COL22A1: variants seen among roughly 807,000 people sequenced by gnomAD.
COL22A1 encodes the protein collagen type XXII alpha 1 chain, also known as collagen alpha-1(XXII) chain.
In COL22A1, 221 loss-of-function variants were observed where a neutral mutation model predicts 248.9. The observed-to-expected ratio is 0.89, with a 90% CI of 0.80 to 0.99. The LOEUF is 0.99. Among genes scored for constraint, COL22A1 ranks in the 50% least tolerant of loss-of-function variants. The pLI, the probability that COL22A1 is intolerant of heterozygous loss-of-function variation, is 0.00. For missense variants in COL22A1, 2,240 were observed against 2,179.0 expected, an observed-to-expected ratio of 1.03 and a Z score of -0.56; for synonymous variants, 891 against 793.4, an observed-to-expected ratio of 1.12 and a Z score of -2.07.
chr8:138,823,003 C>T (rs1359043839), intron 6 of COL22A1, among the ~76,000 whole-genome samples: 1 of 152,210 alleles, frequency 6.6e-6, no homozygotes, highest in Non-Finnish European at 1.5e-5. Context: ...ACCCCAGTTA[C>T]TTTGCTACAG....
At chr8:138,692,969 G>A (rs532604604) in intron 35 of COL22A1, among the ~76,000 whole-genome samples, 130 of 152,282 alleles carry the variant, frequency 8.5e-4, no homozygotes, top group Middle Eastern at 3.4e-3. Flanking sequence ...GCTAGGAGCA[G>A]ACCAGACGTG....
intron 23 of COL22A1, among the ~76,000 whole-genome samples, chr8:138,729,746 C>T (rs557947862): frequency 2.0e-5 from 3 of 152,310 alleles, no homozygotes; most frequent in Middle Eastern, 3.4e-3. Flanking sequence ...CCAACCTACC[C>T]CAGACCCTGG....
chr8:138,740,604 T>C (rs989548743), intron 22 of COL22A1, among the ~76,000 whole-genome samples: 4 of 152,232 alleles, frequency 2.6e-5, no homozygotes, highest in Admixed American at 2.6e-4. Flanking sequence ...GTTGAATCAA[T>C]TGATCTGGAA....
At chr8:138,605,657 T>C (rs145615663) in intron 58 of COL22A1, among the ~76,000 whole-genome samples, 4 of 152,134 alleles carry the variant, frequency 2.6e-5, no homozygotes, top group African/African-American at 9.7e-5. Flanking sequence ...TACTCTGGTA[T>C]GTTACATGCA....
At chr8:138,597,687 C>T (rs1302015125) in intron 61 of COL22A1, among the ~76,000 whole-genome samples, 1 of 152,224 alleles carries the variant, frequency 6.6e-6, no homozygotes, top group East Asian at 1.9e-4. Flanking sequence ...TTACGGTGCT[C>T]ATCTCTGTAG....
intron 3 of COL22A1, among the ~76,000 whole-genome samples, chr8:138,872,574 C>A (rs148024706): frequency 2.0e-5 from 3 of 152,196 alleles, no homozygotes; most frequent in African/African-American, 4.8e-5. Flanking sequence ...TTTGTGGCCA[C>A]GACAAAGCCT....
At chr8:138,801,407 A>G (rs1040802709) in intron 11 of COL22A1, among the ~76,000 whole-genome samples, 1 of 152,162 alleles carries the variant, frequency 6.6e-6, no homozygotes, top group Non-Finnish European at 1.5e-5. Flanking sequence ...GGGGGCAACA[A>G]TGTGGGGTGC....
At chr8:138,760,557 C>T (rs1384195312) in intron 17 of COL22A1, among the ~76,000 whole-genome samples, 1 of 152,194 alleles carries the variant, frequency 6.6e-6, no homozygotes, top group East Asian at 1.9e-4. Flanking sequence ...CAAAGGACCC[C>T]TTCCTTAGGG....
At chr8:138,631,636 G>T (rs1820727572) in intron 49 of COL22A1, among the ~76,000 whole-genome samples, 1 of 152,118 alleles carries the variant, frequency 6.6e-6, no homozygotes, top group Non-Finnish European at 1.5e-5. Context: ...GCACACTTTT[G>T]CTGGGGACTC....
intron 35 of COL22A1, among the ~76,000 whole-genome samples, chr8:138,692,246 ACGTATGTGTG>A (rs1564201599): frequency 7.5e-3 from 59 of 7,880 alleles, no homozygotes; most frequent in East Asian, 0.016. Context: ...ATGTTTGTGG[ACGTATGTGTG>A]CGTGTGTGCA....
At chr8:138,650,908 G>A (rs900960927) in intron 45 of COL22A1, among the ~76,000 whole-genome samples, 1 of 152,142 alleles carries the variant, frequency 6.6e-6, no homozygotes, top group African/African-American at 2.4e-5. Flanking sequence ...TCAGTTCAAC[G>A]CTGTCAACTG....
intron 30 of COL22A1, among the ~76,000 whole-genome samples, chr8:138,715,000 G>A (rs956903996): frequency 7.9e-5 from 12 of 152,082 alleles, no homozygotes; most frequent in African/African-American, 2.7e-4. Flanking sequence ...AAGGGGCAGT[G>A]GTGTTCAGAG....
At position 138,602,167 on chromosome 8, in the gene COL22A1, G is replaced by A. The variant is rs1253067132; in HGVS notation, c.4141-8C>T. On this transcript the variant is annotated splice_polypyrimidine_tract_variant and splice_region_variant and intron_variant, in intron 59 of 64. Transcript: ENST00000303045. ...AGGCTTCCCAGGGACCCCCTGCAAG[G>A]AGAAAGAAAGGACAGTCATTGCCCC... 48 of 1,613,930 alleles carry A rather than the reference G, an allele frequency of 3.0e-5. No homozygotes were observed. The highest frequency in any genetic ancestry group is 4.0e-5 in the Non-Finnish European group (47 of 1,179,996).
At chr8:138,716,893 C>A (rs749283945) in intron 27 of COL22A1, 24 bp from the exon 28 acceptor site, 2 of 1,573,250 alleles carry the variant, frequency 1.3e-6, no homozygotes, top group Non-Finnish European at 1.8e-6. Context: ...AAAACATACC[C>A]CATTATTCTC....
chr8:138,604,693 G>A (rs372325721), intron 59 of COL22A1, 41 bp downstream of exon 59: 40 of 1,594,748 alleles, frequency 2.5e-5, no homozygotes, highest in Non-Finnish European at 3.3e-5. Context: ...CCCATTGGTG[G>A]TAAAGGGTTG....
chr8:138,807,696 T>C, intron 10 of COL22A1, 72 bp downstream of exon 10: 5 of 1,420,124 alleles, frequency 3.5e-6, no homozygotes, highest in Non-Finnish European at 4.9e-6. Flanking sequence ...ACACCATCTT[T>C]TGTCTTATAT....
intron 1 of COL22A1, among the ~76,000 whole-genome samples, chr8:138,913,092 A>G (rs1398887510): frequency 2.5e-4 from 38 of 152,146 alleles, no homozygotes; most frequent in Non-Finnish European, 2.9e-5. Flanking sequence ...AAAATGCTCA[A>G]ATAGAAATGA....
rs370936668 is a variant in COL22A1, at chr8:138,746,415, G to A, written c.2085+5043C>T. Among the ~76,000 whole-genome samples, 11 of 152,178 alleles carry A rather than the reference G, an allele frequency of 7.2e-5. No homozygotes were observed. The East Asian group carries it at 9.6e-4, about 13-fold the overall frequency. ...TTTTTTGAATAAGTCATTTTGTCTT[G>A]CATTTTCCTGACTCAGCTAGAGAGC... is the stretch of plus-strand genomic sequence containing the variant. On this transcript the variant is annotated intron_variant, in intron 22 of 64. Transcript: ENST00000303045.
At chr8:138,669,925 C>T (rs931556564) in intron 41 of COL22A1, among the ~76,000 whole-genome samples, 3 of 140,520 alleles carry the variant, frequency 2.1e-5, no homozygotes, top group Admixed American at 7.3e-5. Flanking sequence ...CTCGCTCTGT[C>T]GCTCAGGCTG....
Sources: gnomAD v4.1 joint callset for allele counts (sites outside exome capture counted in the v4.1 genomes callset) on GRCh38, gnomAD v4.1.1 for gene constraint, MANE v1.5 for transcripts, NCBI Gene and HGNC (gene_info 2026-07-23, HGNC 2026-07-21) for gene names.